PTPRD: variants seen among roughly 807,000 people sequenced by gnomAD.
The protein encoded by PTPRD is protein tyrosine phosphatase receptor type D.
A neutral mutation model predicts 214.5 loss-of-function variants in PTPRD; 34 were observed. The ratio of observed to expected loss-of-function variants is 0.16; its 90% CI spans 0.12 to 0.21. The LOEUF (loss-of-function observed/expected upper bound fraction) is 0.21. PTPRD is among the 10% of genes least tolerant of loss of function. The probability of loss-of-function intolerance (pLI) is 1.00; values close to 1 mark genes in which losing one functional copy is unlikely to be tolerated. For missense variants in PTPRD, 2,545 were observed against 2,398.7 expected, an observed-to-expected ratio of 1.06 and a Z score of -1.27; for synonymous variants, 1,128 against 845.7, an observed-to-expected ratio of 1.33 and a Z score of -5.79.
intron 4 of PTPRD, among the ~76,000 whole-genome samples, chr9:10,018,715 T>C (rs970374644): frequency 4.0e-5 from 6 of 149,850 alleles, no homozygotes; most frequent in African/African-American, 1.5e-4. Context: ...GCCCGGCTAA[T>C]TTTTTTTGTA....
At chr9:10,539,015 G>A (rs2058508930) in intron 2 of PTPRD, among the ~76,000 whole-genome samples, 1 of 152,032 alleles carries the variant, frequency 6.6e-6, no homozygotes, top group African/African-American at 2.4e-5. Flanking sequence ...TTTGGTAATG[G>A]CTCTTCCCTA....
intron 9 of PTPRD, among the ~76,000 whole-genome samples, chr9:9,235,990 G>A (rs2099966427): frequency 6.6e-6 from 1 of 152,112 alleles, no homozygotes; most frequent in Non-Finnish European, 1.5e-5. Flanking sequence ...TTGGCCAGGT[G>A]CGGTGTCTCA....
chr9:9,911,131 G>GC (rs1415301711), intron 5 of PTPRD, among the ~76,000 whole-genome samples: 3 of 151,916 alleles, frequency 2.0e-5, no homozygotes, highest in African/African-American at 7.2e-5. Context: ...ATATACATCA[G>GC]CCCCATCCTC....
intron 7 of PTPRD, among the ~76,000 whole-genome samples, chr9:9,685,407 T>C (rs2097149876): frequency 6.6e-6 from 1 of 151,400 alleles, no homozygotes; most frequent in African/African-American, 2.4e-5. Flanking sequence ...AAAAGTTTAT[T>C]ACATTTTCAA....
chr9:8,840,672 G>C (rs987474432), intron 11 of PTPRD, among the ~76,000 whole-genome samples: 2 of 152,034 alleles, frequency 1.3e-5, no homozygotes, highest in African/African-American at 4.8e-5. Context: ...CTACCACTGG[G>C]GCTTAGTATG....
At chr9:8,897,423 G>C (rs12551425) in intron 11 of PTPRD, among the ~76,000 whole-genome samples, 17,084 of 152,204 alleles carry the variant, frequency 0.11, 1,399 homozygotes, top group East Asian at 0.28. Flanking sequence ...GCTTCTGAGG[G>C]TTGATACACT....
chr9:9,334,468 A>T (rs988617944), intron 9 of PTPRD, among the ~76,000 whole-genome samples: 1 of 152,012 alleles, frequency 6.6e-6, no homozygotes, highest in Non-Finnish European at 1.5e-5. Flanking sequence ...TAGTTTCCCT[A>T]ACTTTTCCAT....
chr9:9,258,064 G>GA (rs2099978506), intron 9 of PTPRD, among the ~76,000 whole-genome samples: 1 of 149,638 alleles, frequency 6.7e-6, no homozygotes, highest in East Asian at 2.0e-4. Flanking sequence ...GGCAGAATAT[G>GA]AAAAAAGCTA....
intron 2 of PTPRD, among the ~76,000 whole-genome samples, chr9:10,373,065 T>C (rs2097660399): frequency 6.6e-6 from 1 of 150,472 alleles, no homozygotes; most frequent in Admixed American, 6.7e-5. Flanking sequence ...ACTCCTGACC[T>C]CAAGTGATCC....
intron 35 of PTPRD, among the ~76,000 whole-genome samples, chr9:8,413,965 A>AATC (rs1183703621): frequency 3.3e-5 from 5 of 152,116 alleles, no homozygotes. Context: ...GAAAAAATGG[A>AATC]ATCACTTGAG....
chr9:9,255,170 G>C (rs2099977200), intron 9 of PTPRD, among the ~76,000 whole-genome samples: 1 of 152,016 alleles, frequency 6.6e-6, no homozygotes, highest in Non-Finnish European at 1.5e-5. Context: ...GTAGTTCATT[G>C]CCACTGGAAC....
intron 5 of PTPRD, among the ~76,000 whole-genome samples, chr9:9,849,022 G>T (rs2060057122): frequency 6.6e-6 from 1 of 151,152 alleles, no homozygotes; most frequent in Non-Finnish European, 1.5e-5. Context: ...CGAAAAACAG[G>T]GTGTGTCTAT....
intron 3 of PTPRD, among the ~76,000 whole-genome samples, chr9:10,040,189 C>T (rs1258501095): frequency 2.0e-5 from 3 of 151,918 alleles, no homozygotes; most frequent in Admixed American, 6.6e-5. Context: ...TTTGGTTAAA[C>T]GGATTCATAA....
intron 3 of PTPRD, among the ~76,000 whole-genome samples, chr9:10,282,492 T>A (rs1431784780): frequency 1.3e-5 from 2 of 152,142 alleles, no homozygotes; most frequent in East Asian, 3.9e-4. Context: ...GGTACTTATT[T>A]TATTATTCTA....
intron 10 of PTPRD, among the ~76,000 whole-genome samples, chr9:9,086,454 A>C (rs2099767157): frequency 6.6e-6 from 1 of 152,188 alleles, no homozygotes; most frequent in Admixed American, 6.5e-5. Context: ...TTTCTGTCTC[A>C]CATCACCCTT....
chr9:8,373,804 T>TTATGTATG (rs778163862), intron 39 of PTPRD, among the ~76,000 whole-genome samples: 68 of 126,978 alleles, frequency 5.4e-4, no homozygotes, highest in Non-Finnish European at 7.0e-4. Flanking sequence ...ATTTTAAAAA[T>TTATGTATG]TATGTATGTA....
At chr9:8,503,239 G>A (rs910790326) in intron 23 of PTPRD, among the ~76,000 whole-genome samples, 2 of 151,946 alleles carry the variant, frequency 1.3e-5, no homozygotes, top group Non-Finnish European at 2.9e-5. Flanking sequence ...TTGTATGGAA[G>A]GAAATGAATC....
At chr9:8,501,657 C>T (rs1281361179) in intron 23 of PTPRD, among the ~76,000 whole-genome samples, 1 of 152,116 alleles carries the variant, frequency 6.6e-6, no homozygotes, top group African/African-American at 2.4e-5. Context: ...ACTGAGTTTG[C>T]CTGACCAGTT....
At chr9:8,820,072 G>T (rs898448415) in intron 11 of PTPRD, among the ~76,000 whole-genome samples, 6 of 152,090 alleles carry the variant, frequency 3.9e-5, no homozygotes, top group African/African-American at 1.4e-4. Context: ...TGTAAGAGCA[G>T]AGAAAAAGAT....
Sources: gnomAD v4.1 joint callset for allele counts (sites outside exome capture counted in the v4.1 genomes callset) on GRCh38, gnomAD v4.1.1 for gene constraint, MANE v1.5 for transcripts, NCBI Gene and HGNC (gene_info 2026-07-23, HGNC 2026-07-21) for gene names.